Variants in LRRC8B observed in about 807,000 individuals in gnomAD.
LRRC8B encodes the protein leucine rich repeat containing 8 VRAC subunit B.
In LRRC8B, 23 loss-of-function variants were observed where a neutral mutation model predicts 58.8. The ratio of observed to expected loss-of-function variants is 0.39; its 90% CI spans 0.28 to 0.55. LRRC8B has a LOEUF of 0.55. Among genes scored for constraint, LRRC8B ranks in the 20% least tolerant of loss-of-function variants. LRRC8B has a pLI of 0.62. For synonymous variants in LRRC8B, 359 were observed against 374.1 expected (o/e 0.96, Z 0.47); for missense variants, 694 against 936.0 (o/e 0.74, Z 3.37).
chr1:89,532,424 A>G (rs929894093), intron 1 of LRRC8B, among the ~76,000 whole-genome samples: 1 of 152,192 alleles, frequency 6.6e-6, no homozygotes, highest in East Asian at 1.9e-4. Flanking sequence ...CCCAAATCTC[A>G]TCTTGAATTG....
intron 5 of LRRC8B, among the ~76,000 whole-genome samples, chr1:89,588,480 T>C (rs1389785322): frequency 3.9e-5 from 6 of 152,096 alleles, no homozygotes; most frequent in Admixed American, 6.6e-5. Flanking sequence ...CGTTAAAAAA[T>C]AGAGGTCATC....
At chr1:89,535,200 A>G (rs555905455) in intron 1 of LRRC8B, among the ~76,000 whole-genome samples, 101 of 152,204 alleles carry the variant, frequency 6.6e-4, no homozygotes, top group African/African-American at 2.3e-3. Flanking sequence ...CACATTGTCA[A>G]TTACTCCCAA....
intron 1 of LRRC8B, among the ~76,000 whole-genome samples, chr1:89,532,200 G>T (rs952796160): frequency 2.2e-4 from 34 of 152,154 alleles, no homozygotes; most frequent in African/African-American, 8.2e-4. Flanking sequence ...CCATGTTCCC[G>T]TCATAGTCTT....
chr1:89,569,924 C>T (rs1653326966), intron 3 of LRRC8B, among the ~76,000 whole-genome samples: 1 of 152,084 alleles, frequency 6.6e-6, no homozygotes, highest in Admixed American at 6.6e-5. Context: ...CATGTGTTCT[C>T]ATCATTTAGC....
At chr1:89,565,819 A>G (rs1387563591) in intron 1 of LRRC8B, among the ~76,000 whole-genome samples, 1 of 152,206 alleles carries the variant, frequency 6.6e-6, no homozygotes, top group Non-Finnish European at 1.5e-5. Context: ...TAAGGATTTG[A>G]TGCCACTTCA....
chr1:89,531,162 C>G (rs906158254), intron 1 of LRRC8B, among the ~76,000 whole-genome samples: 6 of 152,228 alleles, frequency 3.9e-5, no homozygotes, highest in Non-Finnish European at 7.4e-5. Context: ...GGCCCTATTT[C>G]AATGCTAAAA....
In LRRC8B at chr1:89,559,786, T is replaced by G. The variant is rs1421636341; in HGVS notation, c.-240-8461T>G. Among the ~76,000 whole-genome samples the G allele has an allele frequency of 2.0e-5, 3 of 152,284 alleles. No homozygotes were observed. In the East Asian group the frequency reaches 5.8e-4, roughly 29 times the overall value. On this transcript the variant is annotated intron_variant, in intron 1 of 5. Transcript: ENST00000330947. ...ATAAATAAATTTTAAAAATTAATAC[T>G]TCCATTATATGCTTGGCTTGATGAC...
intron 1 of LRRC8B, among the ~76,000 whole-genome samples, chr1:89,533,182 T>G (rs771811627): frequency 6.6e-5 from 10 of 152,238 alleles, no homozygotes; most frequent in Non-Finnish European, 1.2e-4. Flanking sequence ...GTAATCTTTC[T>G]AAAAGACAAA....
Position 89,583,997 on chromosome 1 carries a change from T to C in LRRC8B, c.1347T>C (p.Leu449=). Residue 449 remains leucine (L), a synonymous_variant, in exon 5 of 6, where the codon CTT becomes CTC. Coordinates refer to ENST00000330947, the MANE Select transcript of LRRC8B (RefSeq NM_001369817.2). The surrounding 1 kb of genome is among the most constrained non-coding windows in gnomAD (Gnocchi z 5.2). ...AAATGGAAGTGCTAAGCCTGGAGCT[T>C]ATCCCAGAGGTGAAGCTGCCCTCTG... ...LTEMEVLSLE[L]IPEVKLPSAV... is the part of the protein sequence containing the mutation. 6.2e-7 allele frequency: 1 copy of C among 1,614,230 alleles called. No individual in the cohort carries two copies. Among genetic ancestry groups the C allele is most frequent in the East Asian group, 2.2e-5 (1 of 44,888 alleles).
chr1:89,587,617 T>C (rs568910220), intron 5 of LRRC8B, among the ~76,000 whole-genome samples: 2 of 152,310 alleles, frequency 1.3e-5, no homozygotes, highest in South Asian at 2.1e-4. Flanking sequence ...AATTAATCCA[T>C]GTGGAACGGC....
At chr1:89,558,559 T>C (rs1257071901) in intron 1 of LRRC8B, among the ~76,000 whole-genome samples, 1 of 152,162 alleles carries the variant, frequency 6.6e-6, no homozygotes, top group Non-Finnish European at 1.5e-5. Context: ...AGCAAGATTG[T>C]AGAAGGGGCT....
intron 1 of LRRC8B, among the ~76,000 whole-genome samples, chr1:89,557,704 T>C (rs1296550342): frequency 1.3e-5 from 2 of 152,216 alleles, no homozygotes; most frequent in Non-Finnish European, 2.9e-5. Flanking sequence ...AAAATGAGAC[T>C]GTACTCAGTC....
At chr1:89,552,400 T>C (rs1315506223) in intron 1 of LRRC8B, among the ~76,000 whole-genome samples, 1 of 152,150 alleles carries the variant, frequency 6.6e-6, no homozygotes, top group Admixed American at 6.6e-5. Flanking sequence ...AGCAGAAAAA[T>C]GTAAACCATA....
chr1:89,565,190 T>C (rs533001527), intron 1 of LRRC8B, among the ~76,000 whole-genome samples: 1 of 152,314 alleles, frequency 6.6e-6, no homozygotes, highest in Non-Finnish European at 1.5e-5. Flanking sequence ...AATGGTTTGA[T>C]GTGCAGCATG....
intron 3 of LRRC8B, among the ~76,000 whole-genome samples, chr1:89,577,054 G>A (rs1375851191): frequency 6.6e-6 from 1 of 152,160 alleles, no homozygotes; most frequent in Non-Finnish European, 1.5e-5. Flanking sequence ...ATGGGAAGTA[G>A]CACTAAACAT....
intron 1 of LRRC8B, among the ~76,000 whole-genome samples, chr1:89,564,889 G>A (rs1357886296): frequency 6.6e-6 from 1 of 152,184 alleles, no homozygotes; most frequent in African/African-American, 2.4e-5. Flanking sequence ...GTTTGTATTT[G>A]GTGGTCAGAA....
intron 3 of LRRC8B, among the ~76,000 whole-genome samples, chr1:89,576,616 C>A (rs1277580121): frequency 6.6e-6 from 1 of 152,164 alleles, no homozygotes; most frequent in Admixed American, 6.5e-5. Flanking sequence ...TCCTACCTTA[C>A]AAATTGGCAA....
At chr1:89,592,133 T>C (rs970645000) in intron 5 of LRRC8B, among the ~76,000 whole-genome samples, 1 of 152,200 alleles carries the variant, frequency 6.6e-6, no homozygotes, top group African/African-American at 2.4e-5. Flanking sequence ...ATATTTATTA[T>C]ATTTAAAAGT....
chr1:89,585,621 C>T (rs1162403614), intron 5 of LRRC8B, among the ~76,000 whole-genome samples: 1 of 152,066 alleles, frequency 6.6e-6, no homozygotes, highest in Non-Finnish European at 1.5e-5. Context: ...AAAATGGGTA[C>T]AGCTATTCCA....
Sources: gnomAD v4.1 joint callset for allele counts (sites outside exome capture counted in the v4.1 genomes callset) on GRCh38, gnomAD v4.1.1 for gene constraint, Gnocchi (gnomAD v3.1) non-coding constraint, MANE v1.5 for transcripts, NCBI Gene and HGNC (gene_info 2026-07-23, HGNC 2026-07-21) for gene names.